PDS5B: variants seen among roughly 807,000 people sequenced by gnomAD.
PDS5B encodes PDS5 cohesin associated factor B.
In PDS5B, 51 loss-of-function variants were observed where a neutral mutation model predicts 184.1. The observed-to-expected ratio is 0.28, with a 90% CI of 0.22 to 0.35. PDS5B has a LOEUF of 0.35. Ranked by LOEUF, PDS5B falls within the 10% of genes least tolerant of loss-of-function variation. PDS5B has a pLI of 1.00. For missense variants in PDS5B, 1,180 were observed against 1,723.3 expected, an observed-to-expected ratio of 0.68 and a Z score of 5.58; for synonymous variants, 566 against 569.2, an observed-to-expected ratio of 0.99 and a Z score of 0.08.
chr13:32,744,993 A>G (rs550447175), intron 23 of PDS5B, among the ~76,000 whole-genome samples: 31 of 152,294 alleles, frequency 2.0e-4, no homozygotes, highest in African/African-American at 6.7e-4. Flanking sequence ...CTCCCTCCTT[A>G]TATTTGTTCA....
chr13:32,625,125 C>T (rs1375927687), intron 1 of PDS5B, among the ~76,000 whole-genome samples: 2 of 152,010 alleles, frequency 1.3e-5, no homozygotes, highest in Admixed American at 1.3e-4. Flanking sequence ...TTCATTTATT[C>T]ATTCATTTTG....
chr13:32,648,814 A>C lies in PDS5B; in HGVS notation c.42A>C (p.Thr14=), dbSNP rs755116987. Residue 14 remains threonine, a synonymous_variant, in exon 2 of 35, where the codon ACA becomes ACC. Coordinates refer to ENST00000315596, the MANE Select transcript of PDS5B (RefSeq NM_015032.4). ...CTAGGACCAATGATGGAAAAATTAC[A>C]TATCCGCCTGGGGTCAAGGAAATAT... ...SKTRTNDGKI[T]YPPGVKEISD... The C allele has an allele frequency of 5.1e-6, 8 of 1,564,726 alleles. No individual in the cohort carries two copies. In the South Asian group the frequency reaches 7.8e-5, roughly 15 times the overall value.
chr13:32,748,617 A>G (rs1002598571), intron 24 of PDS5B, among the ~76,000 whole-genome samples: 3 of 152,066 alleles, frequency 2.0e-5, no homozygotes, highest in African/African-American at 4.8e-5. Flanking sequence ...TCCTACTTCA[A>G]GTGCTAAACA....
intron 19 of PDS5B, among the ~76,000 whole-genome samples, chr13:32,716,894 G>T (rs1442159555): frequency 2.8e-5 from 3 of 107,980 alleles, no homozygotes; most frequent in Admixed American, 8.3e-5. Context: ...GGTGAGGGGT[G>T]CCTTTGCCTG....
intron 1 of PDS5B, among the ~76,000 whole-genome samples, chr13:32,642,844 T>G (rs1185030281): frequency 6.6e-6 from 1 of 152,154 alleles, no homozygotes; most frequent in Non-Finnish European, 1.5e-5. Flanking sequence ...CTTTCAGTCT[T>G]ATTTTTTCCA....
rs1163644985 is a variant in PDS5B at position 32,665,614 on chromosome 13, AG to A, written c.625-2149del. Among the ~76,000 whole-genome samples the A allele has an allele frequency of 1.0e-3, 156 of 149,698 alleles. 1 individual carries two copies. The highest frequency in any genetic ancestry group is 3.4e-3 in the Middle Eastern group (1 of 292). The stretch of plus-strand genomic sequence containing the variant: ...AAAAAAAAAAAAAAAAAAAAAAAAA[AG>A]AAAATAAACATCTTTACAACCTCAA... On this transcript the variant is annotated intron_variant, in intron 6 of 34. Coordinates refer to ENST00000315596, the MANE Select transcript of PDS5B (RefSeq NM_015032.4).
At position 32,770,203 on chromosome 13, in the gene PDS5B, A is replaced by C; in HGVS notation, c.3707A>C (p.Lys1236Thr). 6.2e-7 allele frequency: 1 copy of C among 1,614,090 alleles called. No homozygotes were observed. Among genetic ancestry groups the C allele is most frequent in the South Asian group, 1.1e-5 (1 of 91,080 alleles). Residue 1236 changes from lysine to threonine, a missense_variant, in exon 32 of 35, where the codon AAG becomes ACG. Around this residue, in one of 11 missense-constraint regions of PDS5B, gnomAD observed 465 missense variants for 497.8 expected, o/e 0.93. Coordinates refer to ENST00000315596, the MANE Select transcript of PDS5B (RefSeq NM_015032.4). ...AAATTAGGTATGGATGACTTGACTA[A>C]GTTGGTACAGGAACAGAAACCTAAA... ...EEKLGMDDLT[K>T]LVQEQKPKGS...
At chr13:32,592,524 T>C (rs564060702) in intron 1 of PDS5B, among the ~76,000 whole-genome samples, 1 of 150,032 alleles carries the variant, frequency 6.7e-6, no homozygotes, top group African/African-American at 2.4e-5. Flanking sequence ...CTCAAAGTGC[T>C]GGAATTACAG....
intron 22 of PDS5B, among the ~76,000 whole-genome samples, chr13:32,741,420 C>T (rs578080785): frequency 2.0e-5 from 3 of 152,172 alleles, no homozygotes; most frequent in Non-Finnish European, 2.9e-5. Flanking sequence ...TATGGACTTT[C>T]CTCTGTTCTG....
In PDS5B at chr13:32,687,276, TTGA is replaced by T; in HGVS notation, c.1351_1353del (p.Asp451del). 6.3e-7 allele frequency: 1 copy of T among 1,579,066 alleles called. No homozygotes were observed. Among genetic ancestry groups the T allele is most frequent in the Non-Finnish European group, 8.6e-7 (1 of 1,166,104 alleles). On this transcript the variant is annotated inframe_deletion, in exon 12 of 35. Coordinates refer to ENST00000315596, the MANE Select transcript of PDS5B (RefSeq NM_015032.4). ...CTACATATATATTATCAAAATAGTA[TTGA>T]TGATCGGTAAGTTAAGGACACTATA... is the stretch of plus-strand genomic sequence containing the variant.
Position 32,775,070 on chromosome 13 carries a change from C to T in PDS5B, c.*18C>T, listed in dbSNP as rs201466447. The T allele has an allele frequency of 6.9e-7, 1 of 1,444,132 alleles. No individual in the cohort carries two copies. Among genetic ancestry groups the T allele is most frequent in the Non-Finnish European group, 9.7e-7 (1 of 1,036,236 alleles). The allele number at this position is 1,444,132 out of a possible 1,614,324, so 89.5% of individuals were successfully genotyped here. On this transcript the variant is annotated 3_prime_UTR_variant, in exon 35 of 35. Transcript: ENST00000315596. ...GGCGATGAACAAATGTAATTAATAA[C>T]TTTCTCTGTGAAAGCTTTGGAAAAA...
At chr13:32,772,981 T>A (rs1411469100) in intron 33 of PDS5B, among the ~76,000 whole-genome samples, 1 of 152,188 alleles carries the variant, frequency 6.6e-6, no homozygotes, top group Non-Finnish European at 1.5e-5. Context: ...TCAGTCACAT[T>A]TTTTTGTTGT....
At chr13:32,760,146 G>A (rs1173129424) in intron 29 of PDS5B, among the ~76,000 whole-genome samples, 5 of 152,050 alleles carry the variant, frequency 3.3e-5, no homozygotes, top group African/African-American at 1.2e-4. Flanking sequence ...TAGTAGAGAC[G>A]GGGTTTCACT....
intron 21 of PDS5B, among the ~76,000 whole-genome samples, chr13:32,740,237 T>C (rs1457280168): frequency 1.3e-5 from 2 of 152,190 alleles, no homozygotes; most frequent in Non-Finnish European, 2.9e-5. Flanking sequence ...GAAGTTAATC[T>C]TTTATTCCTT....
At chr13:32,659,316 C>A in intron 6 of PDS5B, 36 bp downstream of exon 6, 2 of 1,461,730 alleles carry the variant, frequency 1.4e-6, no homozygotes, top group Non-Finnish European at 9.2e-7. Context: ...TGTCTAATGC[C>A]CGTTAATATT....
intron 23 of PDS5B, 21 bp from the exon 24 acceptor site, chr13:32,745,956 T>A: frequency 6.3e-7 from 1 of 1,583,790 alleles, no homozygotes; most frequent in Non-Finnish European, 8.7e-7. Flanking sequence ...CTAATCTATA[T>A]TCATTCTACT....
At chr13:32,679,110 A>G (rs1199415602) in intron 10 of PDS5B, among the ~76,000 whole-genome samples, 181 bp downstream of exon 10, 4 of 151,266 alleles carry the variant, frequency 2.6e-5, no homozygotes, top group Admixed American at 6.6e-5. Flanking sequence ...AATAGAGACA[A>G]GGTCTCGCTA....
At chr13:32,695,319 A>G (rs572409430) in intron 14 of PDS5B, among the ~76,000 whole-genome samples, 3 of 152,022 alleles carry the variant, frequency 2.0e-5, no homozygotes, top group Admixed American at 1.3e-4. Context: ...AGTTTATCGA[A>G]CCTGTTAAAA....
At chr13:32,656,273 C>CTTTTTTTTTTTTTTTTTTT (rs71071057) in intron 3 of PDS5B, among the ~76,000 whole-genome samples, 2 of 96,788 alleles carry the variant, frequency 2.1e-5, no homozygotes, top group Admixed American at 1.3e-4. Context: ...TCTCCAGCTT[C>CTTTTTTTTTTTTTTTTTTT]TTTTTTTTTT....
Sources: allele counts gnomAD v4.1 joint callset (sites outside exome capture counted in the v4.1 genomes callset), GRCh38; gene constraint gnomAD v4.1.1; regional missense constraint gnomAD v4.1.1; transcripts MANE v1.5; gene names NCBI Gene and HGNC (gene_info 2026-07-23, HGNC 2026-07-21).